SLC17A5: variants seen among roughly 807,000 people sequenced by gnomAD.
SLC17A5 encodes the protein sialin.
Under a neutral mutation model 59.4 loss-of-function variants are expected in SLC17A5, and 47 were observed. The ratio of observed to expected loss-of-function variants is 0.79; its 90% CI spans 0.63 to 1.01. SLC17A5 has a LOEUF of 1.01. Ranked by LOEUF, SLC17A5 falls within the 50% of genes least tolerant of loss-of-function variation. The pLI is 0.00. For synonymous variants in SLC17A5, 202 were observed against 210.7 expected (o/e 0.96, Z 0.36); for missense variants, 522 against 595.5 (o/e 0.88, Z 1.28).
chr6:73,627,975 C>T (rs929712105), intron 6 of SLC17A5, among the ~76,000 whole-genome samples: 2 of 149,774 alleles, frequency 1.3e-5, no homozygotes, highest in Non-Finnish European at 2.9e-5. Flanking sequence ...GGCTGGAGTG[C>T]AGAGGCGCGA....
In SLC17A5 at chr6:73,609,105, G is replaced by A. The variant is rs1767527762; in HGVS notation, c.1259+1295C>T. Among the ~76,000 whole-genome samples the A allele has an allele frequency of 3.3e-5, 5 of 152,312 alleles. 1 individual carries two copies. The highest frequency in any genetic ancestry group is 2.1e-4 in the South Asian group (1 of 4,830). On this transcript the variant is annotated intron_variant, in intron 9 of 10. Transcript: ENST00000355773. ...GTCCAGGTGTGAAGATTTTGAGGTA[G>A]TGAAAAGAGGGTAAGAGTCCATCTG...
At chr6:73,615,242 T>C in intron 8 of SLC17A5, 73 bp downstream of exon 8, 4 of 1,542,384 alleles carry the variant, frequency 2.6e-6, no homozygotes, top group Non-Finnish European at 3.6e-6. Flanking sequence ...ACACACTTTG[T>C]TTTCCTATCT....
At chr6:73,609,812 T>C (rs1767566408) in intron 9 of SLC17A5, among the ~76,000 whole-genome samples, 1 of 150,822 alleles carries the variant, frequency 6.6e-6, no homozygotes, top group Non-Finnish European at 1.5e-5. Flanking sequence ...TTTAAAGTCA[T>C]TCCTATAGTA....
At chr6:73,638,609 C>A in intron 3 of SLC17A5, 110 bp from the exon 4 acceptor site, 2 of 828,288 alleles carry the variant, frequency 2.4e-6, no homozygotes, top group Non-Finnish European at 4.1e-6. Flanking sequence ...AAGAATCAAA[C>A]GAATCAGGTT....
intron 1 of SLC17A5, among the ~76,000 whole-genome samples, chr6:73,650,366 G>A (rs1300855434): frequency 2.0e-5 from 3 of 151,312 alleles, no homozygotes; most frequent in African/African-American, 7.3e-5. Context: ...AAAATTAGCC[G>A]GGCGTGGTGG....
chr6:73,645,903 A>T (rs1235456048), intron 1 of SLC17A5, among the ~76,000 whole-genome samples: 1 of 151,662 alleles, frequency 6.6e-6, no homozygotes, highest in African/African-American at 2.4e-5. Context: ...GCTTATGCAT[A>T]GTTTCTCTTT....
At chr6:73,614,726 T>C (rs997477142) in intron 8 of SLC17A5, among the ~76,000 whole-genome samples, 2 of 152,182 alleles carry the variant, frequency 1.3e-5, no homozygotes, top group African/African-American at 2.4e-5. Flanking sequence ...AGGGTTTGGA[T>C]GAACTTTTGC....
At chr6:73,609,679 A>G (rs1427999328) in intron 9 of SLC17A5, among the ~76,000 whole-genome samples, 1 of 152,238 alleles carries the variant, frequency 6.6e-6, no homozygotes, top group African/African-American at 2.4e-5. Context: ...GAACAGACAC[A>G]GTAATGAGTT....
chr6:73,606,376 C>T (rs149576732), intron 9 of SLC17A5, among the ~76,000 whole-genome samples: 5 of 152,166 alleles, frequency 3.3e-5, no homozygotes, highest in Admixed American at 6.6e-5. Context: ...TCTCAGTCAG[C>T]TGAGAACCAG....
intron 7 of SLC17A5, 29 bp downstream of exon 7, chr6:73,621,775 A>G (rs777836480): frequency 1.3e-6 from 2 of 1,534,504 alleles, no homozygotes; most frequent in East Asian, 4.6e-5. Context: ...TACTATATAT[A>G]TAAGAAGCAG....
Position 73,641,693 on chromosome 6 carries a change from C to T in SLC17A5, c.523G>A (p.Glu175Lys), listed in dbSNP as rs989535283. Residue 175 changes from glutamate to lysine, a missense_variant and splice_region_variant, in exon 3 of 11, where the codon GAG (glutamate) becomes AAG (lysine). Physicochemically the swap from Glu to Lys is moderately conservative, Grantham distance 56. Coordinates refer to ENST00000355773, the MANE Select transcript of SLC17A5 (RefSeq NM_012434.5). The part of the protein sequence containing the change: ...IVLRALEGLG[E>K]GVTFPAMHAM... ...AACAAGAGAGAAAAGAAAATTACCT[C>T]TCCTAGTCCTTCTAGTGCTCTGAGT... 9 of 1,606,680 alleles carry T rather than the reference C, an allele frequency of 5.6e-6. No homozygotes were observed. The highest frequency in any genetic ancestry group is 7.7e-6 in the Non-Finnish European group (9 of 1,173,842).
At chr6:73,625,922 TAA>T (rs1194584568) in intron 6 of SLC17A5, among the ~76,000 whole-genome samples, 1 of 152,210 alleles carries the variant, frequency 6.6e-6, no homozygotes, top group East Asian at 1.9e-4. Flanking sequence ...GATCAGATTT[TAA>T]AAAGTCTGCC....
At chr6:73,610,017 A>G (rs1386375767) in intron 9 of SLC17A5, among the ~76,000 whole-genome samples, 1 of 151,904 alleles carries the variant, frequency 6.6e-6, no homozygotes, top group Non-Finnish European at 1.5e-5. Flanking sequence ...GGTAAGTTTT[A>G]TATCATATCT....
chr6:73,634,989 G>T (rs930920911), intron 6 of SLC17A5, among the ~76,000 whole-genome samples: 1 of 151,818 alleles, frequency 6.6e-6, no homozygotes, highest in Admixed American at 6.6e-5. Flanking sequence ...GTTTTAAAAT[G>T]ACTTAAAAAT....
intron 1 of SLC17A5, among the ~76,000 whole-genome samples, chr6:73,649,643 G>A (rs1005079249): frequency 6.6e-6 from 1 of 152,146 alleles, no homozygotes; most frequent in African/African-American, 2.4e-5. Context: ...TATACGCTTG[G>A]CACTAGTCGA....
chr6:73,652,713 C>T (rs1448385838), intron 1 of SLC17A5, among the ~76,000 whole-genome samples: 2 of 152,118 alleles, frequency 1.3e-5, no homozygotes, highest in East Asian at 1.9e-4. Context: ...ATGGTATTTA[C>T]AGTTTGTGTT....
In SLC17A5 at chr6:73,613,990, G is replaced by C. The variant is rs139467257; in HGVS notation, c.1111+1325C>G. 7.1e-3 allele frequency among the ~76,000 whole-genome samples: 1,088 copies of C among 152,328 alleles called. 7 individuals are homozygous for C. Among genetic ancestry groups the C allele is most frequent in the Non-Finnish European group, 0.011 (721 of 68,026 alleles). On this transcript the variant is annotated intron_variant, in intron 8 of 10. Transcript: ENST00000355773. The stretch of plus-strand genomic sequence containing the variant: ...AATTAAACAAAATGGCTGGGGCTGG[G>C]TGTGGTGCCTCACTCCTGTAGTCCC...
intron 9 of SLC17A5, among the ~76,000 whole-genome samples, chr6:73,602,148 T>G (rs1434099519): frequency 1.3e-5 from 2 of 151,406 alleles, no homozygotes; most frequent in South Asian, 2.1e-4. Flanking sequence ...CCCCCAACCC[T>G]GTGCTCTCTG....
At chr6:73,615,196 G>T (rs778545477) in intron 8 of SLC17A5, 119 bp downstream of exon 8, 3 of 1,147,594 alleles carry the variant, frequency 2.6e-6, no homozygotes, top group Non-Finnish European at 3.9e-6. Flanking sequence ...GGTGTTCTGT[G>T]TTGAGTATTG....
Sources: gnomAD v4.1 joint callset for allele counts (sites outside exome capture counted in the v4.1 genomes callset) on GRCh38, gnomAD v4.1.1 for gene constraint, MANE v1.5 for transcripts, NCBI Gene and HGNC (gene_info 2026-07-23, HGNC 2026-07-21) for gene names.